The following EYS variants were observed in gnomAD, a reference collection of about 807,000 sequenced individuals.
EYS encodes protein eyes shut homolog.
EYS carries 250 observed loss-of-function variants against 282.1 expected under a neutral mutation model. The observed-to-expected ratio is 0.89, with a 90% CI of 0.80 to 0.98. EYS has a LOEUF of 0.98. Among genes scored for constraint, EYS ranks in the 50% least tolerant of loss-of-function variants. EYS has a pLI of 0.00. For synonymous variants in EYS, 1,355 were observed against 1,282.9 expected, an observed-to-expected ratio of 1.06 and a Z score of -1.20; for missense variants, 4,016 against 3,709.0, an observed-to-expected ratio of 1.08 and a Z score of -2.15.
intron 33 of EYS, among the ~76,000 whole-genome samples, chr6:64,017,924 AC>A (rs1305337424): frequency 6.6e-6 from 1 of 152,080 alleles, no homozygotes; most frequent in East Asian, 1.9e-4. Context: ...GACCTTCTAA[AC>A]CCTTATATTC....
At chr6:63,955,808 T>A (rs1467937821) in intron 35 of EYS, among the ~76,000 whole-genome samples, 1 of 152,188 alleles carries the variant, frequency 6.6e-6, no homozygotes, top group Non-Finnish European at 1.5e-5. Flanking sequence ...TAATAGGATG[T>A]CCTGGGTCCT....
At chr6:65,580,496 C>A (rs765478732) in intron 2 of EYS, among the ~76,000 whole-genome samples, 2 of 151,992 alleles carry the variant, frequency 1.3e-5, no homozygotes, top group African/African-American at 2.4e-5. Flanking sequence ...TGTAAGAATT[C>A]TCTTTTAATT....
At chr6:64,762,566 T>C (rs945226780) in intron 22 of EYS, among the ~76,000 whole-genome samples, 6 of 152,172 alleles carry the variant, frequency 3.9e-5, no homozygotes, top group African/African-American at 1.4e-4. Context: ...TCTTTTCTTT[T>C]TTTCTGTTGT....
chr6:64,998,435 T>C (rs573768292), intron 13 of EYS, among the ~76,000 whole-genome samples: 24 of 152,316 alleles, frequency 1.6e-4, no homozygotes, highest in African/African-American at 5.5e-4. Context: ...TACTTGCTAT[T>C]ACTCTCATTA....
chr6:65,269,797 C>T (rs1485314062), intron 12 of EYS, among the ~76,000 whole-genome samples: 1 of 152,082 alleles, frequency 6.6e-6, no homozygotes, highest in Non-Finnish European at 1.5e-5. Flanking sequence ...AGTCTCTGAC[C>T]TCTTCTTACA....
At chr6:63,817,047 A>G (rs1388300720) in intron 36 of EYS, among the ~76,000 whole-genome samples, 1 of 152,232 alleles carries the variant, frequency 6.6e-6, no homozygotes, top group Non-Finnish European at 1.5e-5. Context: ...ATGTTGTGAT[A>G]CTGTCCTGAT....
chr6:65,347,900 T>C (rs1163079233), intron 9 of EYS, among the ~76,000 whole-genome samples: 2 of 151,554 alleles, frequency 1.3e-5, no homozygotes, highest in Admixed American at 6.6e-5. Flanking sequence ...AAACCTCTGG[T>C]AACCATCATT....
intron 36 of EYS, among the ~76,000 whole-genome samples, chr6:63,845,898 A>G (rs1772086584): frequency 6.6e-6 from 1 of 152,202 alleles, no homozygotes; most frequent in African/African-American, 2.4e-5. Flanking sequence ...ATGTGGGAGA[A>G]ATAGCTGTTG....
intron 14 of EYS, among the ~76,000 whole-genome samples, chr6:64,984,211 T>C (rs747145246): frequency 5.9e-5 from 9 of 151,336 alleles, no homozygotes; most frequent in Non-Finnish European, 1.2e-4. Flanking sequence ...CCAGATAAAC[T>C]ACCCTTGACA....
At chr6:64,446,452 C>A (rs1222766087) in intron 26 of EYS, among the ~76,000 whole-genome samples, 1 of 151,972 alleles carries the variant, frequency 6.6e-6, no homozygotes, top group Admixed American at 6.6e-5. Flanking sequence ...TATAATATTT[C>A]TCTCAGATTA....
At position 65,278,026 on chromosome 6, in the gene EYS, C is replaced by CT. The variant is rs1335192357; in HGVS notation, c.2023+17836dup. ...CTGGGACACCAGGTTGTTTTCTTTT[C>CT]TTTTCCTTTTCTTTTCTTTTCTTTT... On this transcript the variant is annotated intron_variant, in intron 12 of 42. Coordinates refer to ENST00000503581, the MANE Select transcript of EYS (RefSeq NM_001142800.2). Among the ~76,000 whole-genome samples the CT allele has an allele frequency of 1.2e-3, 113 of 92,636 alleles. 2 individuals carry two copies. Among genetic ancestry groups the CT allele is most frequent in the Non-Finnish European group, 1.6e-3 (71 of 43,420 alleles). The allele number at this position is 92,636 out of a possible 152,430, so 60.8% of individuals were successfully genotyped here.
intron 2 of EYS, among the ~76,000 whole-genome samples, chr6:65,624,903 G>A (rs781328992): frequency 7.2e-4 from 109 of 152,198 alleles, no homozygotes; most frequent in African/African-American, 2.5e-3. Context: ...GCTTTCAGAC[G>A]GCCTACTGTG....
intron 31 of EYS, among the ~76,000 whole-genome samples, chr6:64,225,573 G>T (rs144890492): frequency 0.012 from 1,880 of 152,142 alleles, 47 homozygotes; most frequent in African/African-American, 0.042. Context: ...TGAGCCAAAA[G>T]ATGCAGACAT....
chr6:64,126,199 A>G (rs1254325317), intron 31 of EYS, among the ~76,000 whole-genome samples: 1 of 152,078 alleles, frequency 6.6e-6, no homozygotes, highest in African/African-American at 2.4e-5. Context: ...CGATCCCATT[A>G]CTGGGTATAT....
At chr6:64,377,567 T>A (rs2150417753) in intron 29 of EYS, among the ~76,000 whole-genome samples, 1 of 152,220 alleles carries the variant, frequency 6.6e-6, no homozygotes, top group South Asian at 2.1e-4. Flanking sequence ...CTGCAAAGAG[T>A]TACTTAAAAC....
At chr6:65,604,998 C>T (rs1349895154) in intron 2 of EYS, among the ~76,000 whole-genome samples, 7 of 148,100 alleles carry the variant, frequency 4.7e-5, no homozygotes, top group African/African-American at 1.8e-4. Context: ...TATGGCCGAC[C>T]ATGCCCAGCT....
intron 29 of EYS, among the ~76,000 whole-genome samples, chr6:64,311,572 G>A (rs570525586): frequency 6.6e-5 from 10 of 152,186 alleles, no homozygotes; most frequent in South Asian, 4.1e-4. Flanking sequence ...CAAAATTCTC[G>A]AGCTCGCTGG....
intron 39 of EYS, chr6:63,779,117 T>C (rs982150940): frequency 6.6e-6 from 1 of 151,616 alleles, no homozygotes; most frequent in Non-Finnish European, 1.5e-5. Flanking sequence ...TGTTGTCACA[T>C]TTTTCTCTTT....
At chr6:65,025,535 G>C (rs1772383093) in intron 13 of EYS, among the ~76,000 whole-genome samples, 1 of 152,054 alleles carries the variant, frequency 6.6e-6, no homozygotes, top group Admixed American at 6.6e-5. Context: ...ATTTTGTTCA[G>C]TAAATAAACA....
Sources: allele counts gnomAD v4.1 joint callset (sites outside exome capture counted in the v4.1 genomes callset), GRCh38; gene constraint gnomAD v4.1.1; transcripts MANE v1.5; gene names NCBI Gene and HGNC (gene_info 2026-07-23, HGNC 2026-07-21).